The following CSRNP3 variants were observed in gnomAD, a reference collection of about 807,000 sequenced individuals.
CSRNP3 encodes cysteine/serine-rich nuclear protein 3.
CSRNP3 carries 12 observed loss-of-function variants against 48.0 expected under a neutral mutation model. The ratio of observed to expected loss-of-function variants is 0.25; its 90% CI spans 0.16 to 0.41. CSRNP3 has a LOEUF of 0.41. Ranked by LOEUF, CSRNP3 falls within the 10% of genes least tolerant of loss-of-function variation. CSRNP3 has a pLI of 1.00. For missense variants in CSRNP3, 580 were observed against 724.4 expected (o/e 0.80, Z 2.29); for synonymous variants, 263 against 269.7 (o/e 0.98, Z 0.24).
chr2:165,650,404 A>G (rs1054665366), intron 4 of CSRNP3, among the ~76,000 whole-genome samples: 1 of 152,208 alleles, frequency 6.6e-6, no homozygotes, highest in East Asian at 1.9e-4. Context: ...AGAGAAGCCA[A>G]CCTTGGCTAT....
At chr2:165,569,851 A>G (rs981035584) in intron 3 of CSRNP3, among the ~76,000 whole-genome samples, 1 of 151,916 alleles carries the variant, frequency 6.6e-6, no homozygotes, top group Admixed American at 6.6e-5. Flanking sequence ...TTCACATTAT[A>G]GTACTTCTTA....
intron 4 of CSRNP3, among the ~76,000 whole-genome samples, chr2:165,648,105 T>C (rs1686844046): frequency 1.3e-5 from 2 of 152,186 alleles, no homozygotes; most frequent in Non-Finnish European, 1.5e-5. Context: ...AGGATTTTAA[T>C]ATATAATTTT....
At chr2:165,654,115 TATGATATCAAGAGCAAAAAAGATAGA>T (rs1319449100) in intron 4 of CSRNP3, among the ~76,000 whole-genome samples, 1 of 152,104 alleles carries the variant, frequency 6.6e-6, no homozygotes, top group Non-Finnish European at 1.5e-5. Context: ...GCATCATTTT[TATGATATCAAGAGCAAAAAAGATAGA>T]AAGTTATCAT....
intron 4 of CSRNP3, among the ~76,000 whole-genome samples, chr2:165,623,075 CATAAATAA>C (rs1686367791): frequency 6.6e-6 from 1 of 152,026 alleles, no homozygotes; most frequent in African/African-American, 2.4e-5. Flanking sequence ...ATATTTAAAA[CATAAATAA>C]ATAAAATAAA....
chr2:165,600,951 T>C (rs1410746359), intron 4 of CSRNP3, among the ~76,000 whole-genome samples: 5 of 152,246 alleles, frequency 3.3e-5, no homozygotes, highest in African/African-American at 1.2e-4. Context: ...AATTCCATGC[T>C]ATTGTAAGCT....
At position 165,679,887 on chromosome 2, in the gene CSRNP3, T is replaced by C; in HGVS notation, c.*134T>C. The C allele has an allele frequency of 7.8e-7, 1 of 1,286,870 alleles. No homozygotes were observed. Among genetic ancestry groups the C allele is most frequent in the Non-Finnish European group, 1.1e-6 (1 of 940,332 alleles). 79.7% of individuals were successfully genotyped at this position (1,286,870 alleles called of 1,614,324 possible). ...GTGGTTAATCTTCCAGACTGTATTT[T>C]GTTTTTTCCTTTCTAGCCACATGAC... On this transcript the variant is annotated 3_prime_UTR_variant, in exon 7 of 7. Transcript: ENST00000651982.
chr2:165,604,378 T>C lies in CSRNP3; in HGVS notation c.148+9165T>C, dbSNP rs140385678. Among the ~76,000 whole-genome samples, 457 of 152,324 alleles carry C rather than the reference T, an allele frequency of 3.0e-3. 4 individuals carry two copies. Among genetic ancestry groups the C allele is most frequent in the African/African-American group, 0.01 (436 of 41,568 alleles). ...AAAGTCTTGTCTTCTTTAGTACAAC[T>C]AAGCCTTATAAAGTAAAAAAGAAAA... is the stretch of plus-strand genomic sequence containing the variant. On this transcript the variant is annotated intron_variant, in intron 4 of 6. Coordinates refer to ENST00000651982, the MANE Select transcript of CSRNP3 (RefSeq NM_001172173.2).
intron 3 of CSRNP3, among the ~76,000 whole-genome samples, chr2:165,548,865 A>T (rs1316487545): frequency 1.3e-5 from 2 of 151,986 alleles, no homozygotes; most frequent in Non-Finnish European, 2.9e-5. Context: ...AATTAATATG[A>T]TCCATATTCA....
chr2:165,521,093 C>T (rs1430623579), intron 3 of CSRNP3, among the ~76,000 whole-genome samples: 1 of 149,684 alleles, frequency 6.7e-6, no homozygotes. Flanking sequence ...TATTACATGC[C>T]GTATTGTGGA....
intron 4 of CSRNP3, among the ~76,000 whole-genome samples, chr2:165,646,517 T>C: frequency 6.6e-6 from 1 of 152,064 alleles, no homozygotes; most frequent in East Asian, 1.9e-4. Context: ...ATTGAGAAAA[T>C]GTAAAACGCA....
chr2:165,541,553 C>T (rs181811369), intron 3 of CSRNP3, among the ~76,000 whole-genome samples: 9 of 152,228 alleles, frequency 5.9e-5, no homozygotes, highest in African/African-American at 1.7e-4. Flanking sequence ...CTTCTCTCTC[C>T]ACTTTAGAGC....
chr2:165,542,680 T>C (rs1162538911), intron 3 of CSRNP3, among the ~76,000 whole-genome samples: 1 of 152,144 alleles, frequency 6.6e-6, no homozygotes, highest in Non-Finnish European at 1.5e-5. Flanking sequence ...TAAAGTTAAA[T>C]CTTTAAATAC....
intron 4 of CSRNP3, among the ~76,000 whole-genome samples, chr2:165,618,940 C>G (rs1315124549): frequency 6.6e-6 from 1 of 152,118 alleles, no homozygotes; most frequent in Non-Finnish European, 1.5e-5. Flanking sequence ...CGGTAACATG[C>G]TAGGAATACA....
rs547793326 is a variant in CSRNP3 at position 165,670,667 on chromosome 2, G to A, written c.409-5645G>A. Among the ~76,000 whole-genome samples, 11 of 152,234 alleles carry A rather than the reference G, an allele frequency of 7.2e-5. No homozygotes were observed. The South Asian group carries it at 2.3e-3, about 32-fold the overall frequency. ...TATGATCCTAAATGAACTAATGCAG[G>A]TAAAGTGTTTAGAACAGTGCCTGGC... On this transcript the variant is annotated intron_variant, in intron 5 of 6. Coordinates refer to ENST00000651982, the MANE Select transcript of CSRNP3 (RefSeq NM_001172173.2).
At chr2:165,604,709 C>T (rs940933177) in intron 4 of CSRNP3, among the ~76,000 whole-genome samples, 1 of 152,180 alleles carries the variant, frequency 6.6e-6, no homozygotes, top group Non-Finnish European at 1.5e-5. Flanking sequence ...AACTGTATAA[C>T]ACACTTGAGG....
intron 2 of CSRNP3, among the ~76,000 whole-genome samples, chr2:165,500,032 T>A (rs1684335207): frequency 6.7e-6 from 1 of 149,478 alleles, no homozygotes; most frequent in South Asian, 2.1e-4. Flanking sequence ...TGCAACAGAC[T>A]TAGCATCACC....
At chr2:165,533,453 A>G (rs1265127355) in intron 3 of CSRNP3, among the ~76,000 whole-genome samples, 1 of 152,036 alleles carries the variant, frequency 6.6e-6, no homozygotes, top group Non-Finnish European at 1.5e-5. Context: ...ATCTTTACTG[A>G]CAATCTCATA....
At chr2:165,566,451 G>A (rs1685299003) in intron 3 of CSRNP3, among the ~76,000 whole-genome samples, 1 of 151,458 alleles carries the variant, frequency 6.6e-6, no homozygotes, top group African/African-American at 2.4e-5. Flanking sequence ...CAGTACCTGG[G>A]TTGGATTACA....
chr2:165,673,959 T>C (rs1416724348), intron 5 of CSRNP3, among the ~76,000 whole-genome samples: 1 of 152,064 alleles, frequency 6.6e-6, no homozygotes, highest in South Asian at 2.1e-4. Flanking sequence ...AGGCTGAGAT[T>C]GCAGCTAGCC....
Sources: gnomAD v4.1 joint callset for allele counts (sites outside exome capture counted in the v4.1 genomes callset) on GRCh38, gnomAD v4.1.1 for gene constraint, MANE v1.5 for transcripts, NCBI Gene and HGNC (gene_info 2026-07-23, HGNC 2026-07-21) for gene names.